The following NOS1AP variants were observed in gnomAD, a reference collection of about 807,000 sequenced individuals.
NOS1AP encodes carboxyl-terminal PDZ ligand of neuronal nitric oxide synthase protein.
In NOS1AP, 21 loss-of-function variants were observed where a neutral mutation model predicts 56.2. The ratio of observed to expected loss-of-function variants is 0.37; its 90% CI spans 0.26 to 0.54. NOS1AP has a LOEUF of 0.54. Ranked by LOEUF, NOS1AP falls within the 20% of genes least tolerant of loss-of-function variation. NOS1AP has a pLI of 0.84. For synonymous variants in NOS1AP, 270 were observed against 274.6 expected, an observed-to-expected ratio of 0.98 and a Z score of 0.17; for missense variants, 522 against 657.8, an observed-to-expected ratio of 0.79 and a Z score of 2.26.
intron 2 of NOS1AP, among the ~76,000 whole-genome samples, chr1:162,267,398 C>G (rs1654457285): frequency 6.6e-6 from 1 of 152,134 alleles, no homozygotes; most frequent in Non-Finnish European, 1.5e-5. Context: ...CTTGAAGCCC[C>G]ACTGGAATAA....
At chr1:162,118,307 A>G (rs952644473) in intron 1 of NOS1AP, among the ~76,000 whole-genome samples, 27 of 152,124 alleles carry the variant, frequency 1.8e-4, no homozygotes, top group African/African-American at 6.3e-4. Flanking sequence ...ATGCACGTTC[A>G]TGTGTATTCA....
At chr1:162,248,922 C>T (rs569956673) in intron 2 of NOS1AP, among the ~76,000 whole-genome samples, 1 of 152,158 alleles carries the variant, frequency 6.6e-6, no homozygotes, top group Non-Finnish European at 1.5e-5. Flanking sequence ...CACAGCACCC[C>T]CCCCTTTCCT....
chr1:162,216,716 A>G (rs1401000414), intron 2 of NOS1AP, among the ~76,000 whole-genome samples: 1 of 152,246 alleles, frequency 6.6e-6, no homozygotes, highest in Non-Finnish European at 1.5e-5. Context: ...AAAGAGAAGT[A>G]TAAACATTGT....
chr1:162,298,304 G>A (rs1384272949), intron 3 of NOS1AP, among the ~76,000 whole-genome samples: 2 of 152,308 alleles, frequency 1.3e-5, no homozygotes, highest in East Asian at 3.9e-4. Flanking sequence ...TTTCCCATGT[G>A]GTGTCTGTGG....
intron 3 of NOS1AP, among the ~76,000 whole-genome samples, chr1:162,299,393 C>T (rs1311621782): frequency 6.6e-6 from 1 of 152,144 alleles, no homozygotes; most frequent in East Asian, 1.9e-4. Flanking sequence ...AGAAAATTCA[C>T]TATGGTAGCA....
At chr1:162,251,835 G>T (rs1653863260) in intron 2 of NOS1AP, among the ~76,000 whole-genome samples, 1 of 143,808 alleles carries the variant, frequency 7.0e-6, no homozygotes, top group Non-Finnish European at 1.5e-5. Flanking sequence ...CTACAGGCAT[G>T]CACCACAACA....
chr1:162,301,546 G>A (rs1655664277), intron 4 of NOS1AP, among the ~76,000 whole-genome samples: 1 of 152,198 alleles, frequency 6.6e-6, no homozygotes, highest in Non-Finnish European at 1.5e-5. Flanking sequence ...AAGGAGACTG[G>A]TATGATTCCT....
intron 1 of NOS1AP, among the ~76,000 whole-genome samples, chr1:162,119,603 G>A (rs1377537551): frequency 6.6e-6 from 1 of 152,194 alleles, no homozygotes; most frequent in Non-Finnish European, 1.5e-5. Context: ...AGAGGGTTCA[G>A]TCAGTTTAAG....
intron 2 of NOS1AP, among the ~76,000 whole-genome samples, chr1:162,197,432 G>A (rs1651845648): frequency 6.6e-6 from 1 of 152,222 alleles, no homozygotes; most frequent in Non-Finnish European, 1.5e-5. Flanking sequence ...CAGCCGGGAT[G>A]TACTGGCTGC....
chr1:162,081,774 A>ATATTTTTTTTTTTTTTTTTTT, intron 1 of NOS1AP, among the ~76,000 whole-genome samples: 4 of 44,060 alleles, frequency 9.1e-5, no homozygotes, highest in Non-Finnish European at 1.4e-4. Flanking sequence ...ATATATATAT[A>ATATTTTTTTTTTTTTTTTTTT]TTTTTTTTTT....
chr1:162,089,568 CAA>C (rs1464319795), intron 1 of NOS1AP, among the ~76,000 whole-genome samples: 1 of 152,160 alleles, frequency 6.6e-6, no homozygotes, highest in African/African-American at 2.4e-5. Context: ...CTTTACATGA[CAA>C]AGACTTTGTA....
intron 1 of NOS1AP, among the ~76,000 whole-genome samples, chr1:162,072,059 C>CAGATAGATAGATAGATAGAT (rs138572328): frequency 3.1e-4 from 44 of 141,704 alleles, no homozygotes; most frequent in East Asian, 8.5e-4. Context: ...GACCCTGTCT[C>CAGATAGATAGATAGATAGAT]AGATAGATAG....
chr1:162,126,879 C>T (rs993778290), intron 1 of NOS1AP, among the ~76,000 whole-genome samples: 2 of 152,142 alleles, frequency 1.3e-5, no homozygotes, highest in Non-Finnish European at 2.9e-5. Flanking sequence ...AAACTTCTCT[C>T]CATAAAGAAT....
intron 1 of NOS1AP, among the ~76,000 whole-genome samples, chr1:162,113,368 C>T (rs1017146623): frequency 6.6e-6 from 1 of 152,124 alleles, no homozygotes; most frequent in Non-Finnish European, 1.5e-5. Flanking sequence ...TCCTGGCAGC[C>T]CCACAGTGGA....
intron 2 of NOS1AP, among the ~76,000 whole-genome samples, chr1:162,178,400 G>A (rs1424188870): frequency 6.6e-6 from 1 of 152,204 alleles, no homozygotes; most frequent in African/African-American, 2.4e-5. Flanking sequence ...CTTGCTAAGA[G>A]TATGATTAGT....
intron 2 of NOS1AP, among the ~76,000 whole-genome samples, chr1:162,165,972 A>G (rs1203084065): frequency 1.3e-5 from 2 of 152,116 alleles, no homozygotes; most frequent in Non-Finnish European, 2.9e-5. Flanking sequence ...TGTTTTTCAT[A>G]TTTCCTTATC....
chr1:162,099,026 C>A (rs529394300), intron 1 of NOS1AP, among the ~76,000 whole-genome samples: 1 of 152,214 alleles, frequency 6.6e-6, no homozygotes, highest in African/African-American at 2.4e-5. Flanking sequence ...TGGGTTTATA[C>A]CCAGTAATGG....
At chr1:162,152,616 T>G (rs1202755182) in intron 1 of NOS1AP, among the ~76,000 whole-genome samples, 3 of 152,268 alleles carry the variant, frequency 2.0e-5, no homozygotes, top group Non-Finnish European at 4.4e-5. Context: ...GCAAGGTTCT[T>G]CAATAGCTGT....
chr1:162,346,774 T>A (rs1253130242), intron 6 of NOS1AP, among the ~76,000 whole-genome samples: 2 of 152,226 alleles, frequency 1.3e-5, no homozygotes, highest in Non-Finnish European at 2.9e-5. Flanking sequence ...CTAGAGGGAA[T>A]TACTTTACTT....
Sources: allele counts gnomAD v4.1 joint callset (sites outside exome capture counted in the v4.1 genomes callset), GRCh38; gene constraint gnomAD v4.1.1; transcripts MANE v1.5; gene names NCBI Gene and HGNC (gene_info 2026-07-23, HGNC 2026-07-21).